The following PRKAG2 variants were observed in gnomAD, a reference collection of about 807,000 sequenced individuals.
PRKAG2 encodes the protein protein kinase AMP-activated non-catalytic subunit gamma 2.
PRKAG2 carries 26 observed loss-of-function variants against 69.6 expected under a neutral mutation model. That is an observed-to-expected ratio of 0.37 (90% CI 0.27 to 0.52). PRKAG2 has a LOEUF of 0.52. PRKAG2 is among the 20% of genes least tolerant of loss of function. The probability of loss-of-function intolerance (pLI) is 0.90; values close to 1 mark genes in which losing one functional copy is unlikely to be tolerated. For synonymous variants in PRKAG2, 293 were observed against 285.0 expected, an observed-to-expected ratio of 1.03 and a Z score of -0.28; for missense variants, 557 against 740.0, an observed-to-expected ratio of 0.75 and a Z score of 2.87.
chr7:151,749,304 G>A (rs892167246), intron 3 of PRKAG2, among the ~76,000 whole-genome samples: 7 of 152,100 alleles, frequency 4.6e-5, no homozygotes, highest in East Asian at 3.9e-4. Flanking sequence ...ACAGTCCCCC[G>A]TCCATCAGCC....
chr7:151,812,042 A>C (rs2078447960), intron 1 of PRKAG2, among the ~76,000 whole-genome samples: 1 of 151,816 alleles, frequency 6.6e-6, no homozygotes, highest in African/African-American at 2.4e-5. Context: ...AAACTGCCAC[A>C]CATGGTGCCA....
intron 5 of PRKAG2, among the ~76,000 whole-genome samples, chr7:151,600,321 T>A (rs1158348382): frequency 6.6e-6 from 1 of 152,222 alleles, no homozygotes; most frequent in Admixed American, 6.5e-5. Flanking sequence ...GAAAAACATG[T>A]AGTGTATAAG....
At chr7:151,605,431 AT>A (rs1374189214) in intron 5 of PRKAG2, among the ~76,000 whole-genome samples, 4 of 151,830 alleles carry the variant, frequency 2.6e-5, no homozygotes, top group African/African-American at 9.7e-5. Context: ...TCTTTAAAAA[AT>A]TTTTTTAAAT....
chr7:151,681,841 G>A (rs2151495951), intron 3 of PRKAG2, among the ~76,000 whole-genome samples: 1 of 152,270 alleles, frequency 6.6e-6, no homozygotes, highest in East Asian at 1.9e-4. Flanking sequence ...CATTTTAGCT[G>A]TATGAATTAC....
rs766113743 is a variant in PRKAG2, at chr7:151,564,127, T to C, written c.1535A>G (p.Asn512Ser). The C allele has an allele frequency of 4.3e-6, 7 of 1,614,172 alleles. No homozygotes were observed. The South Asian group carries it at 5.5e-5, about 13-fold the overall frequency. Reference protein sequence around the residue: ...SQYFEGVVKCNKLEILETIVD... With the variant: ...SQYFEGVVKCSKLEILETIVD... Reference sequence around the variant, plus strand: ...GATGGTCTCCAGTATTTCCAGCTTATTGCACTTCACAACACCTTCAAAATA... The same window carrying C: ...GATGGTCTCCAGTATTTCCAGCTTACTGCACTTCACAACACCTTCAAAATA... The change falls in exon 14 of 16, where the codon AAT becomes AGT. Residue 512 changes from asparagine to serine, a missense_variant. Asn to Ser is a conservative substitution (Grantham distance 46). This residue lies in a region of PRKAG2 where 205 missense variants were observed against 383.4 expected (regional missense o/e 0.53). Transcript: ENST00000287878.
chr7:151,772,615 C>T (rs936600122), intron 3 of PRKAG2, among the ~76,000 whole-genome samples: 3 of 152,132 alleles, frequency 2.0e-5, no homozygotes, highest in African/African-American at 7.2e-5. Flanking sequence ...CCTGACATCC[C>T]AAGATTTAGA....
chr7:151,593,452 C>T (rs1432496602), intron 6 of PRKAG2, among the ~76,000 whole-genome samples: 1 of 152,148 alleles, frequency 6.6e-6, no homozygotes. Flanking sequence ...CCTTGGCCTC[C>T]CAAAGCGCTG....
intron 1 of PRKAG2, among the ~76,000 whole-genome samples, chr7:151,856,683 A>G (rs913861177): frequency 6.6e-6 from 1 of 152,122 alleles, no homozygotes; most frequent in African/African-American, 2.4e-5. Flanking sequence ...ACCGAATATA[A>G]CTCAGTGAAT....
At chr7:151,772,961 C>G (rs890076134) in intron 3 of PRKAG2, among the ~76,000 whole-genome samples, 1 of 148,660 alleles carries the variant, frequency 6.7e-6, no homozygotes, top group African/African-American at 2.5e-5. Flanking sequence ...GCCTGGATGA[C>G]AGAGACCCTG....
At chr7:151,787,998 G>A (rs1223868614) in intron 1 of PRKAG2, among the ~76,000 whole-genome samples, 1 of 152,220 alleles carries the variant, frequency 6.6e-6, no homozygotes, top group Non-Finnish European at 1.5e-5. Flanking sequence ...ACATATTTCT[G>A]TTGTTTAAGC....
intron 3 of PRKAG2, among the ~76,000 whole-genome samples, chr7:151,708,130 T>C (rs1235305368): frequency 6.6e-6 from 1 of 152,194 alleles, no homozygotes; most frequent in Non-Finnish European, 1.5e-5. Context: ...CCAGCAACAT[T>C]TGGCTGACCT....
At chr7:151,612,599 GCCC>G (rs1819130885) in intron 5 of PRKAG2, among the ~76,000 whole-genome samples, 1 of 152,164 alleles carries the variant, frequency 6.6e-6, no homozygotes, top group Non-Finnish European at 1.5e-5. Context: ...GTCTGGTTCT[GCCC>G]CCCATCACTC....
chr7:151,558,130 G>A (rs1804171144), intron 15 of PRKAG2: 1 of 985,328 alleles, frequency 1.0e-6, no homozygotes, highest in Non-Finnish European at 1.2e-6. Context: ...CTGGATGCAC[G>A]CACACATGGG....
At chr7:151,618,207 C>G (rs577684450) in intron 5 of PRKAG2, among the ~76,000 whole-genome samples, 1 of 152,094 alleles carries the variant, frequency 6.6e-6, no homozygotes, top group Non-Finnish European at 1.5e-5. Context: ...AATTCCAACA[C>G]TTTGGGAGGC....
intron 4 of PRKAG2, among the ~76,000 whole-genome samples, chr7:151,646,096 C>T (rs1455392074): frequency 6.6e-6 from 1 of 152,170 alleles, no homozygotes; most frequent in Admixed American, 6.5e-5. Context: ...GTTTTGATTA[C>T]TGTAGCTCTA....
chr7:151,876,979 T>G lies in PRKAG2; in HGVS notation c.-359A>C. On this transcript the variant is annotated 5_prime_UTR_variant, in exon 1 of 16. Transcript: ENST00000287878. ...CCACCCTCTCGGCTCCTCCCACAGATTCCCAGAGGTAATCTGAAAGGCAGG... is the reference window on the plus strand; with the variant it reads ...CCACCCTCTCGGCTCCTCCCACAGAGTCCCAGAGGTAATCTGAAAGGCAGG... 1 of 366,960 alleles carries G rather than the reference T, an allele frequency of 2.7e-6. No homozygotes were observed. The highest frequency in any genetic ancestry group is 6.6e-5 in the East Asian group (1 of 15,178). The allele number at this position is 366,960 out of a possible 1,614,324, so 22.7% of individuals were successfully genotyped here. A position where few individuals can be genotyped will look rare whatever the true frequency, so the allele number is the denominator to read the frequency against.
chr7:151,848,021 C>T (rs1200204344), intron 1 of PRKAG2, among the ~76,000 whole-genome samples: 2 of 152,194 alleles, frequency 1.3e-5, no homozygotes, highest in East Asian at 1.9e-4. Context: ...GTGCCCGTGG[C>T]CCAGCGGCTT....
At chr7:151,557,970 A>G in intron 15 of PRKAG2, 1 of 984,422 alleles carries the variant, frequency 1.0e-6, no homozygotes, top group Non-Finnish European at 1.2e-6. Flanking sequence ...GACATTCCAC[A>G]GTGGATTGGC....
At chr7:151,564,707 A>G (rs1177850178) in intron 13 of PRKAG2, among the ~76,000 whole-genome samples, 1 of 152,032 alleles carries the variant, frequency 6.6e-6, no homozygotes, top group African/African-American at 2.4e-5. Flanking sequence ...GAGGAAGAAC[A>G]GGCTTGAGGA....
Sources: gnomAD v4.1 joint callset for allele counts (sites outside exome capture counted in the v4.1 genomes callset) on GRCh38, gnomAD v4.1.1 for gene constraint, gnomAD v4.1.1 regional missense constraint, MANE v1.5 for transcripts, NCBI Gene and HGNC (gene_info 2026-07-23, HGNC 2026-07-21) for gene names.